The following EPB41L3 variants were observed in gnomAD, a reference collection of about 807,000 sequenced individuals.
EPB41L3 encodes the protein erythrocyte membrane protein band 4.1 like 3.
Under a neutral mutation model 127.1 loss-of-function variants are expected in EPB41L3, and 57 were observed. The ratio of observed to expected loss-of-function variants is 0.45; its 90% CI spans 0.36 to 0.56. The LOEUF is 0.56. Ranked by LOEUF, EPB41L3 falls within the 20% of genes least tolerant of loss-of-function variation. EPB41L3 has a pLI of 0.00. For synonymous variants in EPB41L3, 572 were observed against 549.5 expected (o/e 1.04, Z -0.57); for missense variants, 1,273 against 1,372.2 (o/e 0.93, Z 1.14).
intron 16 of EPB41L3, among the ~76,000 whole-genome samples, chr18:5,402,102 C>T (rs987857853): frequency 6.6e-6 from 1 of 151,180 alleles, no homozygotes; most frequent in Non-Finnish European, 1.5e-5. Context: ...CCTACCCTGA[C>T]AGATTTTGAT....
At chr18:5,438,243 T>C (rs2080159906) in intron 5 of EPB41L3, 133 bp from the exon 6 acceptor site, 1 of 674,366 alleles carries the variant, frequency 1.5e-6, no homozygotes, top group South Asian at 2.0e-5. Flanking sequence ...CTGGGAAACC[T>C]TGGTCACATG....
rs185084939 is a variant in EPB41L3, at chr18:5,521,899, T to C, written c.-12+22014A>G. On this transcript the variant is annotated intron_variant, in intron 1 of 22. Coordinates refer to ENST00000341928, the MANE Select transcript of EPB41L3 (RefSeq NM_012307.5). ...AACTCAGTGGGCACTTGAAATATTA[T>C]TGAAATTCACTTGGTCATAAAATAT... is the stretch of plus-strand genomic sequence containing the variant. Among the ~76,000 whole-genome samples the C allele has an allele frequency of 4.6e-3, 701 of 152,314 alleles. 1 individual carries two copies. Among genetic ancestry groups the C allele is most frequent in the South Asian group, 0.021 (103 of 4,824 alleles).
chr18:5,605,433 C>T (rs1599264341), intron 3 of EPB41L3, among the ~76,000 whole-genome samples: 1 of 151,994 alleles, frequency 6.6e-6, no homozygotes, highest in African/African-American at 2.4e-5. Flanking sequence ...GGCTGGAGTG[C>T]AGTGGTGCAC....
intron 3 of EPB41L3, among the ~76,000 whole-genome samples, chr18:5,598,740 C>T (rs1289440465): frequency 6.6e-6 from 1 of 152,180 alleles, no homozygotes; most frequent in Admixed American, 6.6e-5. Context: ...ATGTCCTTGC[C>T]TTTAGAATTC....
chr18:5,445,064 A>T, intron 4 of EPB41L3, 76 bp downstream of exon 4: 1 of 1,056,824 alleles, frequency 9.5e-7, no homozygotes, highest in Non-Finnish European at 1.5e-6. Context: ...TGATCCACCC[A>T]TTCAGTTTCA....
intron 2 of EPB41L3, chr18:5,614,321 T>G (rs1373663301): frequency 6.6e-6 from 1 of 152,226 alleles, no homozygotes; most frequent in Non-Finnish European, 1.5e-5. Context: ...TTCCCTTACA[T>G]GATCAGATGC....
chr18:5,405,759 G>C (rs1162010493), intron 16 of EPB41L3, among the ~76,000 whole-genome samples: 1 of 150,032 alleles, frequency 6.7e-6, no homozygotes, highest in Admixed American at 6.7e-5. Flanking sequence ...ATGGGCGACA[G>C]AGAGAAACAC....
At chr18:5,502,238 T>C (rs1219932360) in intron 1 of EPB41L3, among the ~76,000 whole-genome samples, 2 of 152,020 alleles carry the variant, frequency 1.3e-5, no homozygotes, top group African/African-American at 2.4e-5. Flanking sequence ...AGCCAATAAA[T>C]AGCTCTTTCA....
intron 21 of EPB41L3, 66 bp from the exon 22 acceptor site, chr18:5,394,859 A>T: frequency 6.9e-7 from 1 of 1,457,996 alleles, no homozygotes. Context: ...ATCAGTGGTG[A>T]GGTGGAGACT....
At chr18:5,436,403 C>CTTTTTTTTTT (rs34862547) in intron 6 of EPB41L3, among the ~76,000 whole-genome samples, 119 of 100,598 alleles carry the variant, frequency 1.2e-3, no homozygotes, top group Non-Finnish European at 1.6e-3. Context: ...CATTTTCTTT[C>CTTTTTTTTTT]TTTTTTTTTT....
At chr18:5,625,331 AAAGG>A (rs926880400) in intron 1 of EPB41L3, among the ~76,000 whole-genome samples, 4 of 151,890 alleles carry the variant, frequency 2.6e-5, no homozygotes, top group African/African-American at 9.7e-5. Context: ...GATCTGATAG[AAAGG>A]AAGTGGCAGT....
intron 3 of EPB41L3, among the ~76,000 whole-genome samples, chr18:5,584,424 T>G (rs553622909): frequency 1.3e-4 from 20 of 152,284 alleles, no homozygotes; most frequent in African/African-American, 4.3e-4. Flanking sequence ...CATCTAGTAT[T>G]TATTAAGGAG....
At chr18:5,487,974 G>A (rs1258167134) in intron 2 of EPB41L3, among the ~76,000 whole-genome samples, 1 of 152,152 alleles carries the variant, frequency 6.6e-6, no homozygotes, top group Admixed American at 6.5e-5. Context: ...CCAATCACTT[G>A]TGGGGACTCC....
At chr18:5,575,128 T>C (rs1160149316) in intron 3 of EPB41L3, among the ~76,000 whole-genome samples, 1 of 152,200 alleles carries the variant, frequency 6.6e-6, no homozygotes, top group African/African-American at 2.4e-5. Flanking sequence ...TTCTCAGCCA[T>C]GAAAACTGGT....
chr18:5,566,793 C>CTATTCTATTCTATTCTATTCTATTCT (rs747649790), intron 3 of EPB41L3, among the ~76,000 whole-genome samples: 2 of 88,322 alleles, frequency 2.3e-5, no homozygotes, highest in Non-Finnish European at 4.5e-5. Flanking sequence ...TATTCTATTC[C>CTATTCTATTCTATTCTATTCTATTCT]ATTCCATTCC....
intron 16 of EPB41L3, among the ~76,000 whole-genome samples, chr18:5,405,963 C>A (rs930321193): frequency 2.6e-5 from 4 of 152,136 alleles, no homozygotes; most frequent in African/African-American, 9.7e-5. Flanking sequence ...CGATGGCTCA[C>A]GCCTGTAATC....
rs577594227 is a variant in EPB41L3, at chr18:5,401,364, C to T, written c.2350-3221G>A. Among the ~76,000 whole-genome samples, 6 of 152,124 alleles carry T rather than the reference C, an allele frequency of 3.9e-5. 1 individual carries two copies. The South Asian group carries it at 8.3e-4, about 21-fold the overall frequency. Reference sequence around the variant, plus strand: ...CATACAAGAACAATATAAAGGTATTCGTTCTTGGCATTTAAACCATGTTTA... The same window carrying T: ...CATACAAGAACAATATAAAGGTATTTGTTCTTGGCATTTAAACCATGTTTA... On this transcript the variant is annotated intron_variant, in intron 16 of 22. Transcript: ENST00000341928.
rs573132153 is a variant in EPB41L3, at chr18:5,397,715, G to A, written c.2473-289C>T. On this transcript the variant is annotated intron_variant, in intron 17 of 22. Transcript: ENST00000341928. The surrounding 1 kb of genome is among the most constrained non-coding windows in gnomAD (Gnocchi z 4.1). ...ACAAAACAAAAACCAAAGCATTGCA[G>A]CGCATTCACGTTGGTTTTGGCTGCT... is the stretch of plus-strand genomic sequence containing the variant. Among the ~76,000 whole-genome samples, 1 of 152,316 alleles carries A rather than the reference G, an allele frequency of 6.6e-6. No individual in the cohort carries two copies. The highest frequency in any genetic ancestry group is 2.4e-5 in the African/African-American group (1 of 41,568).
chr18:5,477,744 C>A (rs1350113099), intron 3 of EPB41L3, among the ~76,000 whole-genome samples: 1 of 152,062 alleles, frequency 6.6e-6, no homozygotes, highest in Non-Finnish European at 1.5e-5. Flanking sequence ...CCTTTTACAC[C>A]GAAACTACAA....
Sources: allele counts gnomAD v4.1 joint callset (sites outside exome capture counted in the v4.1 genomes callset), GRCh38; gene constraint gnomAD v4.1.1; non-coding constraint Gnocchi (gnomAD v3.1); transcripts MANE v1.5; gene names NCBI Gene and HGNC (gene_info 2026-07-23, HGNC 2026-07-21).